CNTN4: variants seen among roughly 807,000 people sequenced by gnomAD.
CNTN4 encodes the protein contactin 4, also known as contactin-4.
In CNTN4, 77 loss-of-function variants were observed where a neutral mutation model predicts 122.5. The observed-to-expected ratio is 0.63, with a 90% CI of 0.52 to 0.76. The LOEUF (loss-of-function observed/expected upper bound fraction) is 0.76. CNTN4 is among the 30% of genes least tolerant of loss of function. The probability of loss-of-function intolerance (pLI) is 0.00; values close to 1 mark genes in which losing one functional copy is unlikely to be tolerated. For missense variants in CNTN4, 1,256 were observed against 1,259.1 expected (o/e 1.00, Z 0.04); for synonymous variants, 512 against 447.0 (o/e 1.15, Z -1.83).
intron 2 of CNTN4, among the ~76,000 whole-genome samples, chr3:2,253,430 A>C (rs934736413): frequency 8.1e-6 from 1 of 123,780 alleles, no homozygotes; most frequent in Admixed American, 7.4e-5. Context: ...TAGTGAACGA[A>C]ACAAAAGAAC....
intron 4 of CNTN4, among the ~76,000 whole-genome samples, chr3:2,634,657 C>G (rs935932686): frequency 2.1e-5 from 3 of 141,924 alleles, no homozygotes; most frequent in Non-Finnish European, 4.5e-5. Context: ...GGTGAAACCC[C>G]ATCTCTACTA....
chr3:2,232,738 G>A (rs1327961601), intron 2 of CNTN4, among the ~76,000 whole-genome samples: 1 of 152,128 alleles, frequency 6.6e-6, no homozygotes, highest in Non-Finnish European at 1.5e-5. Context: ...CGAAAACATT[G>A]AGTGAAAATA....
At chr3:2,404,782 T>A (rs1057451722) in intron 3 of CNTN4, among the ~76,000 whole-genome samples, 1 of 152,140 alleles carries the variant, frequency 6.6e-6, no homozygotes, top group Non-Finnish European at 1.5e-5. Context: ...GCCTATAACA[T>A]CTCAGTATTT....
intron 6 of CNTN4, among the ~76,000 whole-genome samples, chr3:2,814,618 T>G (rs746676143): frequency 6.6e-6 from 1 of 152,230 alleles, no homozygotes; most frequent in Non-Finnish European, 1.5e-5. Context: ...TAAATGTTAT[T>G]TAAATGAACG....
At position 2,195,440 on chromosome 3, in the gene CNTN4, C is replaced by T. The variant is rs187383347; in HGVS notation, c.-145+94801C>T. ...TCAGTTCCTTTGGATATATAACCAG[C>T]GGTGGTATATATTCCTGGATAATAT... On this transcript the variant is annotated intron_variant, in intron 2 of 24. Coordinates refer to ENST00000418658, the MANE Select transcript of CNTN4 (RefSeq NM_175607.3). Among the ~76,000 whole-genome samples the T allele has an allele frequency of 5.9e-3, 901 of 152,188 alleles. 1 individual carries two copies. Among genetic ancestry groups the T allele is most frequent in the Non-Finnish European group, 6.9e-3 (468 of 68,016 alleles).
intron 4 of CNTN4, among the ~76,000 whole-genome samples, chr3:2,591,516 C>T (rs2080484757): frequency 1.1e-5 from 1 of 89,576 alleles, no homozygotes; most frequent in Admixed American, 1.0e-4. Flanking sequence ...AGGCGCCCGC[C>T]ACTACGCCCG....
intron 13 of CNTN4, among the ~76,000 whole-genome samples, chr3:2,966,427 A>G (rs907406277): frequency 6.6e-6 from 1 of 152,214 alleles, no homozygotes; most frequent in Non-Finnish European, 1.5e-5. Context: ...GAAGCTAAAA[A>G]TTAAAACAAT....
intron 3 of CNTN4, among the ~76,000 whole-genome samples, chr3:2,400,867 A>G (rs1482430016): frequency 1.3e-5 from 2 of 151,528 alleles, no homozygotes; most frequent in African/African-American, 2.4e-5. Flanking sequence ...ATATTACTAT[A>G]TATAAGTATA....
At chr3:2,731,349 C>T (rs369825886) in intron 4 of CNTN4, among the ~76,000 whole-genome samples, 10 of 152,156 alleles carry the variant, frequency 6.6e-5, no homozygotes, top group African/African-American at 1.9e-4. Flanking sequence ...AGATAATTAC[C>T]GTGGTATGGA....
intron 2 of CNTN4, among the ~76,000 whole-genome samples, chr3:2,280,494 C>T (rs1051599761): frequency 6.6e-6 from 1 of 152,072 alleles, no homozygotes; most frequent in South Asian, 2.1e-4. Context: ...GTTTCTTGCC[C>T]CTGGTCCCAC....
chr3:2,579,941 G>T (rs2079860631), intron 4 of CNTN4, among the ~76,000 whole-genome samples: 1 of 152,136 alleles, frequency 6.6e-6, no homozygotes, highest in Non-Finnish European at 1.5e-5. Flanking sequence ...GAAGGTGTTA[G>T]AACAGGGTTT....
intron 2 of CNTN4, among the ~76,000 whole-genome samples, chr3:2,145,694 G>C (rs1195582482): frequency 6.6e-6 from 1 of 152,194 alleles, no homozygotes; most frequent in African/African-American, 2.4e-5. Context: ...ATCATGCCAA[G>C]CATTATACAT....
At chr3:2,645,430 C>A (rs981543914) in intron 4 of CNTN4, among the ~76,000 whole-genome samples, 4 of 152,124 alleles carry the variant, frequency 2.6e-5, no homozygotes, top group Admixed American at 1.3e-4. Flanking sequence ...TTAAGACAAT[C>A]AATTTACATA....
chr3:2,565,124 G>T (rs1003195523), intron 3 of CNTN4, among the ~76,000 whole-genome samples: 1 of 151,968 alleles, frequency 6.6e-6, no homozygotes, highest in African/African-American at 2.4e-5. Context: ...TCAACCATTG[G>T]GTAGGTGAGT....
At chr3:2,424,575 A>G (rs1454034162) in intron 3 of CNTN4, among the ~76,000 whole-genome samples, 1 of 152,196 alleles carries the variant, frequency 6.6e-6, no homozygotes, top group Non-Finnish European at 1.5e-5. Flanking sequence ...CTTTGGGTAT[A>G]TACCCAGTAA....
intron 2 of CNTN4, among the ~76,000 whole-genome samples, chr3:2,337,709 A>G (rs1390543461): frequency 6.6e-6 from 1 of 152,122 alleles, no homozygotes. Context: ...CATTTCAAGT[A>G]TTATTCCACT....
At chr3:2,348,123 C>T (rs1006341469) in intron 3 of CNTN4, among the ~76,000 whole-genome samples, 6 of 152,160 alleles carry the variant, frequency 3.9e-5, no homozygotes, top group African/African-American at 1.4e-4. Flanking sequence ...TGACAGCATT[C>T]CCCAAGAGTG....
chr3:2,728,499 C>G (rs1221218446), intron 4 of CNTN4, among the ~76,000 whole-genome samples: 2 of 152,080 alleles, frequency 1.3e-5, no homozygotes, highest in African/African-American at 2.4e-5. Context: ...GAGAGCACAC[C>G]CAACAACCCA....
At chr3:2,879,688 A>T (rs2093884984) in intron 8 of CNTN4, among the ~76,000 whole-genome samples, 1 of 152,162 alleles carries the variant, frequency 6.6e-6, no homozygotes, top group Non-Finnish European at 1.5e-5. Flanking sequence ...CCCAGGGCTG[A>T]GACTGGGAAT....
Sources: allele counts gnomAD v4.1 joint callset (sites outside exome capture counted in the v4.1 genomes callset), GRCh38; gene constraint gnomAD v4.1.1; transcripts MANE v1.5; gene names NCBI Gene and HGNC (gene_info 2026-07-23, HGNC 2026-07-21).